The following ANK3 variants were observed in gnomAD, a reference collection of about 807,000 sequenced individuals.
ANK3 encodes the protein ankyrin-3.
In ANK3, 57 loss-of-function variants were observed where a neutral mutation model predicts 370.9. That is an observed-to-expected ratio of 0.15 (90% CI 0.12 to 0.19). ANK3 has a LOEUF of 0.19. ANK3 is among the 10% of genes least tolerant of loss of function. The pLI is 1.00. For missense variants in ANK3, 4,439 were observed against 5,302.1 expected (o/e 0.84, Z 5.06); for synonymous variants, 1,929 against 1,946.3 (o/e 0.99, Z 0.23).
At chr10:60,067,457 G>A (rs1305363958) in intron 38 of ANK3, among the ~76,000 whole-genome samples, 2 of 152,040 alleles carry the variant, frequency 1.3e-5, no homozygotes, top group Non-Finnish European at 2.9e-5. Context: ...TGTGTATATC[G>A]TACAAAATGT....
intron 2 of ANK3, among the ~76,000 whole-genome samples, chr10:60,453,570 A>G (rs2064666095): frequency 6.6e-6 from 1 of 152,220 alleles, no homozygotes; most frequent in African/African-American, 2.4e-5. Context: ...GGTAGGATCT[A>G]GAAGATACAC....
At chr10:60,219,122 G>C (rs965349286) in intron 8 of ANK3, among the ~76,000 whole-genome samples, 13 of 151,818 alleles carry the variant, frequency 8.6e-5, no homozygotes, top group Admixed American at 5.9e-4. Flanking sequence ...GTGTTTTTCA[G>C]CTCCATGAGG....
intron 2 of ANK3, among the ~76,000 whole-genome samples, chr10:60,441,242 A>G (rs2064292450): frequency 6.6e-6 from 1 of 152,208 alleles, no homozygotes; most frequent in Non-Finnish European, 1.5e-5. Context: ...TTATCAAAAT[A>G]TCATTCCACT....
At chr10:60,314,511 G>A (rs1293861849) in intron 1 of ANK3, among the ~76,000 whole-genome samples, 1 of 152,128 alleles carries the variant, frequency 6.6e-6, no homozygotes, top group African/African-American at 2.4e-5. Context: ...ATGCAAATGA[G>A]GGCACACTTC....
chr10:60,137,228 A>C (rs1464694775), intron 24 of ANK3: 1 of 182,434 alleles, frequency 5.5e-6, no homozygotes, highest in Non-Finnish European at 1.2e-5. Flanking sequence ...GAAAAAAAGA[A>C]AGCACATCGC....
chr10:60,053,706 G>A lies in ANK3; in HGVS notation c.13065+1952C>T, dbSNP rs758096206. ...TAACAGCAGGCAGTCATCCGTGTAG[G>A]AGCCGCACCCGGACTTTTGACCTGA... On this transcript the variant is annotated intron_variant, in intron 42 of 43. Transcript: ENST00000280772. The A allele has an allele frequency of 5.0e-5, 65 of 1,303,910 alleles. No homozygotes were observed. In the African/African-American group the frequency reaches 8.5e-4, roughly 17 times the overall value. 80.8% of individuals were successfully genotyped at this position (1,303,910 alleles called of 1,614,324 possible).
chr10:60,623,324 A>G (rs1449855678), intron 1 of ANK3, among the ~76,000 whole-genome samples: 2 of 152,196 alleles, frequency 1.3e-5, no homozygotes, highest in African/African-American at 4.8e-5. Flanking sequence ...GGGATCCAAA[A>G]AGGAATCAAA....
intron 2 of ANK3, among the ~76,000 whole-genome samples, chr10:60,580,303 A>G: frequency 6.6e-6 from 1 of 152,196 alleles, no homozygotes; most frequent in East Asian, 1.9e-4. Flanking sequence ...GTGAGAAATG[A>G]ATAAGTGATT....
intron 1 of ANK3, among the ~76,000 whole-genome samples, chr10:60,713,174 T>C (rs570487523): frequency 6.6e-6 from 1 of 152,294 alleles, no homozygotes; most frequent in South Asian, 2.1e-4. Context: ...CAAGTTCATA[T>C]GGAACATTCC....
chr10:60,047,024 G>T (rs1450717630), intron 42 of ANK3, among the ~76,000 whole-genome samples: 3 of 152,084 alleles, frequency 2.0e-5, no homozygotes, highest in African/African-American at 7.2e-5. Flanking sequence ...AGCCAGGATG[G>T]TTTTGATCTC....
intron 1 of ANK3, among the ~76,000 whole-genome samples, chr10:60,321,344 A>T (rs751796147): frequency 5.3e-5 from 8 of 151,834 alleles, no homozygotes; most frequent in Non-Finnish European, 1.2e-4. Flanking sequence ...GACATGCAGT[A>T]AGACCCTATC....
At chr10:60,516,571 T>A (rs2133173099) in intron 2 of ANK3, among the ~76,000 whole-genome samples, 2 of 152,154 alleles carry the variant, frequency 1.3e-5, no homozygotes, top group African/African-American at 4.8e-5. Flanking sequence ...AGGCTGCTGT[T>A]TTGCCAAATA....
intron 2 of ANK3, among the ~76,000 whole-genome samples, chr10:60,420,252 G>A (rs567822873): frequency 3.3e-5 from 5 of 152,132 alleles, no homozygotes; most frequent in African/African-American, 9.6e-5. Flanking sequence ...AAATGTCCAT[G>A]CAACACTATT....
intron 1 of ANK3, among the ~76,000 whole-genome samples, chr10:60,358,670 C>T (rs2058156027): frequency 6.6e-6 from 1 of 152,184 alleles, no homozygotes; most frequent in Non-Finnish European, 1.5e-5. Flanking sequence ...GCTGATGTAG[C>T]TACAGCTGGC....
intron 7 of ANK3, among the ~76,000 whole-genome samples, chr10:60,256,716 C>T (rs902238660): frequency 3.3e-5 from 5 of 152,258 alleles, no homozygotes; most frequent in African/African-American, 1.2e-4. Flanking sequence ...AATGAGAATA[C>T]GTAGTACTTG....
At chr10:60,195,852 C>T (rs1409379551) in intron 16 of ANK3, among the ~76,000 whole-genome samples, 1 of 152,206 alleles carries the variant, frequency 6.6e-6, no homozygotes, top group East Asian at 1.9e-4. Context: ...TTCTTACTTC[C>T]TCAGGCTGTG....
chr10:60,372,581 T>TGGG, intron 1 of ANK3, among the ~76,000 whole-genome samples: 1 of 152,246 alleles, frequency 6.6e-6, no homozygotes, highest in East Asian at 1.9e-4. Flanking sequence ...TGTTCAGCAA[T>TGGG]GGGGGCTATG....
chr10:60,077,237 C>T (rs2084044715), intron 36 of ANK3, among the ~76,000 whole-genome samples: 1 of 152,078 alleles, frequency 6.6e-6, no homozygotes, highest in African/African-American at 2.4e-5. Flanking sequence ...TTATCTTTTC[C>T]ATGCAGTATA....
chr10:60,506,083 G>A (rs1054758797), intron 2 of ANK3, among the ~76,000 whole-genome samples: 1 of 152,014 alleles, frequency 6.6e-6, no homozygotes, highest in Admixed American at 6.6e-5. Context: ...AAAAAGGACT[G>A]GGTGATTATT....
Sources: allele counts gnomAD v4.1 joint callset (sites outside exome capture counted in the v4.1 genomes callset), GRCh38; gene constraint gnomAD v4.1.1; transcripts MANE v1.5; gene names NCBI Gene and HGNC (gene_info 2026-07-23, HGNC 2026-07-21).